Variants in AGBL1 observed in about 807,000 individuals in gnomAD.
The protein encoded by AGBL1 is cytosolic carboxypeptidase 4.
A neutral mutation model predicts 118.9 loss-of-function variants in AGBL1; 130 were observed. The ratio of observed to expected loss-of-function variants is 1.09; its 90% CI spans 0.95 to 1.26. The LOEUF (loss-of-function observed/expected upper bound fraction) is 1.26. Ranked by LOEUF, AGBL1 falls within the 50% of genes most tolerant of loss-of-function variation. The pLI is 0.00. For synonymous variants in AGBL1, 555 were observed against 478.9 expected (o/e 1.16, Z -2.08); for missense variants, 1,584 against 1,298.1 (o/e 1.22, Z -3.38).
chr15:86,161,683 C>T (rs187428633), intron 5 of AGBL1, among the ~76,000 whole-genome samples: 83 of 152,302 alleles, frequency 5.4e-4, no homozygotes, highest in African/African-American at 1.9e-3. Context: ...CATCAGTTGG[C>T]TATTTCCTCT....
intron 24 of AGBL1, among the ~76,000 whole-genome samples, chr15:86,995,186 G>A (rs2081368859): frequency 6.6e-6 from 1 of 152,076 alleles, no homozygotes; most frequent in African/African-American, 2.4e-5. Context: ...CCAGGAGTTT[G>A]AGCCAGCCTG....
intron 21 of AGBL1, among the ~76,000 whole-genome samples, chr15:86,634,765 T>C (rs980061779): frequency 3.9e-5 from 6 of 152,194 alleles, no homozygotes; most frequent in Non-Finnish European, 5.9e-5. Context: ...ACCACTACTT[T>C]AGATAAATTC....
Position 86,284,548 on chromosome 15 carries a change from T to C in AGBL1, c.2220+4765T>C, listed in dbSNP as rs537066258. Among the ~76,000 whole-genome samples, 127 of 152,300 alleles carry C rather than the reference T, an allele frequency of 8.3e-4. 2 individuals are homozygous for C. In the South Asian group the frequency reaches 0.024, roughly 29 times the overall value. On this transcript the variant is annotated intron_variant, in intron 16 of 22. Transcript: ENST00000614907. ...CTTAAGGGTGTTATTTGTTCTTCTC[T>C]TGTGATAAGAAGTCTTTGATTCTCT...
At chr15:86,287,908 A>G (rs928566607) in intron 16 of AGBL1, among the ~76,000 whole-genome samples, 2 of 152,212 alleles carry the variant, frequency 1.3e-5, no homozygotes, top group Non-Finnish European at 2.9e-5. Context: ...TTCTTCTAAC[A>G]GTTCACAATG....
Position 86,833,140 on chromosome 15 carries a change from C to T in AGBL1, c.3159-73947C>T, listed in dbSNP as rs145941982. On this transcript the variant is annotated intron_variant, in intron 22 of 22. Transcript: ENST00000614907. The stretch of plus-strand genomic sequence containing the variant: ...CAATTGCTTCGCATTGGGTTCCTCT[C>T]ATGACTCATGGGCATTATGGGAGCT... Among the ~76,000 whole-genome samples, 22 of 152,256 alleles carry T rather than the reference C, an allele frequency of 1.4e-4. No individual in the cohort carries two copies. The East Asian group carries it at 4.3e-3, about 30-fold the overall frequency.
intron 22 of AGBL1, among the ~76,000 whole-genome samples, chr15:86,688,640 A>C (rs539167633): frequency 1.3e-5 from 2 of 152,160 alleles, no homozygotes; most frequent in African/African-American, 4.8e-5. Flanking sequence ...ACATTACTCA[A>C]ACTACCAAAT....
Position 86,325,375 on chromosome 15 carries a change from G to GT in AGBL1, c.2374+29970dup, listed in dbSNP as rs1211739144. Among the ~76,000 whole-genome samples, 9 of 152,262 alleles carry GT rather than the reference G, an allele frequency of 5.9e-5. No individual in the cohort carries two copies. The East Asian group carries it at 1.7e-3, about 29-fold the overall frequency. ...GGAACTAGTTGTAGTGGGAAGGAAAGTTTCTTAAATGGGTAACTTTTGAGG... is the reference window on the plus strand; with the variant it reads ...GGAACTAGTTGTAGTGGGAAGGAAAGTTTTCTTAAATGGGTAACTTTTGAGG... On this transcript the variant is annotated intron_variant, in intron 17 of 22. Coordinates refer to ENST00000614907, the MANE Select transcript of AGBL1 (RefSeq NM_001386094.1).
chr15:86,408,599 C>A (rs1458348736), intron 18 of AGBL1, among the ~76,000 whole-genome samples: 2 of 152,092 alleles, frequency 1.3e-5, no homozygotes, highest in African/African-American at 4.8e-5. Flanking sequence ...TGAAACAGAG[C>A]AGAATTATTG....
rs1303590770 is a variant in AGBL1, at chr15:86,909,197, A to T, written c.*1903A>T. 6.6e-6 allele frequency: 1 copy of T among 152,278 alleles called. No individual in the cohort carries two copies. Among genetic ancestry groups the T allele is most frequent in the African/African-American group, 2.4e-5 (1 of 41,470 alleles). The allele number at this position is 152,278 out of a possible 1,614,324, so 9.4% of individuals were successfully genotyped here. ...CAGGAAGCTGCAAGAGAGGTTAGAA[A>T]ACATAGTCTTTATTTGAGGTGGGCC... On this transcript the variant is annotated 3_prime_UTR_variant, in exon 23 of 23. Coordinates refer to ENST00000614907, the MANE Select transcript of AGBL1 (RefSeq NM_001386094.1).
At chr15:86,978,233 C>A (rs2081194357) in intron 23 of AGBL1, among the ~76,000 whole-genome samples, 1 of 151,874 alleles carries the variant, frequency 6.6e-6, no homozygotes, top group African/African-American at 2.4e-5. Context: ...TGCAACAAGA[C>A]TAAAAAAAGA....
At chr15:86,925,982 A>G (rs1164741800) in intron 23 of AGBL1, among the ~76,000 whole-genome samples, 59 of 152,104 alleles carry the variant, frequency 3.9e-4, no homozygotes, top group Non-Finnish European at 4.9e-4. Flanking sequence ...CACCCGCCTC[A>G]GCCTCCCAAA....
intron 23 of AGBL1, among the ~76,000 whole-genome samples, chr15:86,958,326 G>T (rs1200167959): frequency 6.6e-6 from 1 of 151,920 alleles, no homozygotes; most frequent in African/African-American, 2.4e-5. Context: ...TGTGATGATC[G>T]AAATGTCTCC....
At chr15:86,310,617 T>C (rs2079906333) in intron 17 of AGBL1, among the ~76,000 whole-genome samples, 1 of 152,170 alleles carries the variant, frequency 6.6e-6, no homozygotes, top group African/African-American at 2.4e-5. Flanking sequence ...CTCAGGGGAC[T>C]GGCTTGGAGC....
chr15:86,262,078 C>CTTTTT (rs61365024), intron 9 of AGBL1, among the ~76,000 whole-genome samples: 16,949 of 52,598 alleles, frequency 0.32, 5,269 homozygotes, highest in Admixed American at 0.36. Context: ...GCATAGCTGG[C>CTTTTT]TTTTTTTTTT....
In AGBL1 at chr15:86,748,854, G is replaced by C. The variant is rs190752712; in HGVS notation, c.3158+74418G>C. Among the ~76,000 whole-genome samples, 5 of 152,076 alleles carry C rather than the reference G, an allele frequency of 3.3e-5. No homozygotes were observed. In the East Asian group the frequency reaches 9.7e-4, roughly 30 times the overall value. On this transcript the variant is annotated intron_variant, in intron 22 of 22. Transcript: ENST00000614907. ...GTATTATTCCTGAGGGCTCTGTTCT[G>C]TTCCATTGGTCTATATCTCTGTTTT...
chr15:86,387,932 G>A (rs1404768800), intron 17 of AGBL1, among the ~76,000 whole-genome samples: 1 of 152,194 alleles, frequency 6.6e-6, no homozygotes, highest in Non-Finnish European at 1.5e-5. Context: ...AGGTTTTGGG[G>A]AAAAGGCAGA....
At chr15:86,556,142 T>G in intron 21 of AGBL1, 1 of 1,202,248 alleles carries the variant, frequency 8.3e-7, no homozygotes, top group Non-Finnish European at 1.2e-6. Context: ...ATAAATCAGC[T>G]GGAAACTCAA....
intron 18 of AGBL1, among the ~76,000 whole-genome samples, chr15:86,462,039 A>C (rs715922): frequency 0.36 from 54,030 of 152,066 alleles, 11,313 homozygotes; most frequent in Middle Eastern, 0.52. Context: ...CTTACAAACT[A>C]TGAGTAGCTT....
intron 23 of AGBL1, among the ~76,000 whole-genome samples, chr15:86,987,003 G>C (rs1437266526): frequency 6.6e-6 from 1 of 152,018 alleles, no homozygotes; most frequent in Non-Finnish European, 1.5e-5. Flanking sequence ...AGGAGTGGGG[G>C]TCACAAGGTG....
Sources: allele counts gnomAD v4.1 joint callset (sites outside exome capture counted in the v4.1 genomes callset), GRCh38; gene constraint gnomAD v4.1.1; transcripts MANE v1.5; gene names NCBI Gene and HGNC (gene_info 2026-07-23, HGNC 2026-07-21).